The following ADCY2 variants were observed in gnomAD, a reference collection of about 807,000 sequenced individuals.
The protein encoded by ADCY2 is adenylate cyclase type 2.
A neutral mutation model predicts 125.2 loss-of-function variants in ADCY2; 31 were observed. The observed-to-expected ratio is 0.25, with a 90% CI of 0.19 to 0.33. The LOEUF is 0.33. Ranked by LOEUF, ADCY2 falls within the 10% of genes least tolerant of loss-of-function variation. The probability of loss-of-function intolerance (pLI) is 1.00; values close to 1 mark genes in which losing one functional copy is unlikely to be tolerated. For synonymous variants in ADCY2, 512 were observed against 548.4 expected (o/e 0.93, Z 0.93); for missense variants, 904 against 1,418.2 (o/e 0.64, Z 5.82).
intron 1 of ADCY2, among the ~76,000 whole-genome samples, chr5:7,400,044 A>G (rs994191263): frequency 6.6e-6 from 1 of 152,168 alleles, no homozygotes; most frequent in Non-Finnish European, 1.5e-5. Context: ...ATTATATCCA[A>G]AATCAGCCAG....
At chr5:7,750,541 T>C (rs1304246485) in intron 15 of ADCY2, among the ~76,000 whole-genome samples, 1 of 152,272 alleles carries the variant, frequency 6.6e-6, no homozygotes, top group Admixed American at 6.5e-5. Context: ...TCCATATTAC[T>C]AAAATGCTTC....
At chr5:7,589,530 G>GA (rs1561112741) in intron 3 of ADCY2, among the ~76,000 whole-genome samples, 6 of 131,088 alleles carry the variant, frequency 4.6e-5, no homozygotes, top group East Asian at 4.8e-4. Context: ...GAAAGAGAAA[G>GA]AAAGAAAGGA....
intron 2 of ADCY2, among the ~76,000 whole-genome samples, chr5:7,437,116 T>C (rs1333598569): frequency 6.6e-6 from 1 of 152,004 alleles, no homozygotes; most frequent in Admixed American, 6.6e-5. Flanking sequence ...GGCCAGGAGG[T>C]GTCATTAGGA....
chr5:7,625,853 G>A (rs1366197122), intron 3 of ADCY2, among the ~76,000 whole-genome samples: 2 of 152,162 alleles, frequency 1.3e-5, no homozygotes, highest in Admixed American at 6.5e-5. Flanking sequence ...CTAATCCTGG[G>A]CTGGATCTAG....
intron 20 of ADCY2, among the ~76,000 whole-genome samples, chr5:7,791,963 C>T (rs1395590696): frequency 2.6e-5 from 4 of 151,840 alleles, no homozygotes; most frequent in Non-Finnish European, 4.4e-5. Flanking sequence ...GAGAGAGGAA[C>T]GGGGAGAGAA....
intron 3 of ADCY2, among the ~76,000 whole-genome samples, chr5:7,528,401 A>G (rs1438926775): frequency 7.3e-6 from 1 of 137,492 alleles, no homozygotes; most frequent in Non-Finnish European, 1.7e-5. Context: ...TCATGTTGGT[A>G]ACTAACAATT....
rs1255181544 is a variant in ADCY2 at position 7,709,175 on chromosome 5, C to G, written c.1402-36C>G. On this transcript the variant is annotated intron_variant, in intron 9 of 24. Transcript: ENST00000338316. The surrounding 1 kb of genome is among the most constrained non-coding windows in gnomAD (Gnocchi z 4.4). ...CAAAAGGATCATGTGTGGCCCTGTGCTGTGCCAGGTGTGATGCTTTGTTTC... is the reference window on the plus strand; with the variant it reads ...CAAAAGGATCATGTGTGGCCCTGTGGTGTGCCAGGTGTGATGCTTTGTTTC... The G allele has an allele frequency of 6.4e-7, 1 of 1,561,918 alleles. No individual in the cohort carries two copies. The highest frequency in any genetic ancestry group is 8.7e-7 in the Non-Finnish European group (1 of 1,153,650).
intron 2 of ADCY2, among the ~76,000 whole-genome samples, chr5:7,449,570 ATGG>A (rs1741397411): frequency 6.6e-6 from 1 of 152,180 alleles, no homozygotes; most frequent in Non-Finnish European, 1.5e-5. Context: ...TAAAAATAAA[ATGG>A]AATATCTGTA....
chr5:7,795,638 T>A (rs1744396113), intron 20 of ADCY2: 1 of 152,180 alleles, frequency 6.6e-6, no homozygotes, highest in Admixed American at 6.5e-5. Context: ...TCCACTAAAC[T>A]CTTGGTGATA....
chr5:7,549,106 C>A (rs1242556586), intron 3 of ADCY2, among the ~76,000 whole-genome samples: 1 of 152,204 alleles, frequency 6.6e-6, no homozygotes, highest in African/African-American at 2.4e-5. Flanking sequence ...TCTTCTAGTT[C>A]TTACAAGGGA....
intron 2 of ADCY2, among the ~76,000 whole-genome samples, chr5:7,450,194 T>G (rs911668145): frequency 6.6e-6 from 1 of 152,222 alleles, no homozygotes; most frequent in Non-Finnish European, 1.5e-5. Context: ...TCTTAAGTCA[T>G]GATAGGCCAA....
intron 3 of ADCY2, among the ~76,000 whole-genome samples, chr5:7,556,859 C>T (rs529243075): frequency 5.3e-5 from 8 of 152,134 alleles, no homozygotes; most frequent in African/African-American, 1.2e-4. Flanking sequence ...AGTTTCATCC[C>T]GAAACCAACC....
At chr5:7,764,222 G>A (rs377546898) in intron 16 of ADCY2, among the ~76,000 whole-genome samples, 9 of 152,142 alleles carry the variant, frequency 5.9e-5, no homozygotes, top group African/African-American at 2.2e-4. Context: ...GTCCATGCTT[G>A]TTTCATACGT....
chr5:7,797,718 C>T (rs953776994), intron 20 of ADCY2: 1 of 152,246 alleles, frequency 6.6e-6, no homozygotes, highest in African/African-American at 2.4e-5. Flanking sequence ...CTTCCTTGAC[C>T]TGCAGGGAGC....
At chr5:7,729,316 G>A (rs1404611291) in intron 14 of ADCY2, among the ~76,000 whole-genome samples, 1 of 152,006 alleles carries the variant, frequency 6.6e-6, no homozygotes, top group Non-Finnish European at 1.5e-5. Flanking sequence ...TTTACCCTGT[G>A]TGCTCTTTAC....
At chr5:7,531,539 G>T (rs1404016031) in intron 3 of ADCY2, among the ~76,000 whole-genome samples, 1 of 152,126 alleles carries the variant, frequency 6.6e-6, no homozygotes, top group Admixed American at 6.5e-5. Context: ...AAACCAAGGT[G>T]TTAGCAGGGG....
chr5:7,423,433 A>C (rs111763410), intron 2 of ADCY2, among the ~76,000 whole-genome samples: 2,973 of 152,288 alleles, frequency 0.02, 89 homozygotes, highest in African/African-American at 0.068. Context: ...GAGGTAATTG[A>C]ATCATGGTGG....
intron 20 of ADCY2, chr5:7,795,297 T>C (rs937896046): frequency 6.6e-6 from 1 of 152,238 alleles, no homozygotes; most frequent in Admixed American, 6.5e-5. Flanking sequence ...TATCCCAGAT[T>C]CATGCAAAAC....
chr5:7,754,693 C>T (rs1464860826), intron 15 of ADCY2, among the ~76,000 whole-genome samples: 2 of 143,850 alleles, frequency 1.4e-5, no homozygotes, highest in Non-Finnish European at 3.0e-5. Flanking sequence ...AAAGTAGTTG[C>T]GGTTTAAAGG....
Sources: allele counts gnomAD v4.1 joint callset (sites outside exome capture counted in the v4.1 genomes callset), GRCh38; gene constraint gnomAD v4.1.1; non-coding constraint Gnocchi (gnomAD v3.1); transcripts MANE v1.5; gene names NCBI Gene and HGNC (gene_info 2026-07-23, HGNC 2026-07-21).